The following CELSR1 variants were observed in gnomAD, a reference collection of about 807,000 sequenced individuals.
CELSR1 encodes adhesion G protein-coupled receptor C1.
Under a neutral mutation model 249.1 loss-of-function variants are expected in CELSR1, and 110 were observed. The ratio of observed to expected loss-of-function variants is 0.44; its 90% CI spans 0.38 to 0.52. The LOEUF (loss-of-function observed/expected upper bound fraction) is 0.52, where lower values mean the gene tolerates loss of function less well. Among genes scored for constraint, CELSR1 ranks in the 20% least tolerant of loss-of-function variants. CELSR1 has a pLI of 0.00. For missense variants in CELSR1, 4,109 were observed against 4,296.4 expected (o/e 0.96, Z 1.22); for synonymous variants, 2,113 against 1,900.0 (o/e 1.11, Z -2.92).
rs887443508 is a variant in CELSR1, at chr22:46,435,279, A to ATT, written c.4522+893_4522+894dup. On this transcript the variant is annotated intron_variant, in intron 4 of 34. Transcript: ENST00000674500. ...CCTTGTCCAAAAAAAAAAAAAAAAA[A>ATT]TTTTTTTTTTTTTTTTTTTTGAGAT... Among the ~76,000 whole-genome samples, 1,012 of 108,364 alleles carry ATT rather than the reference A, an allele frequency of 9.3e-3. 21 individuals carry two copies. Among genetic ancestry groups the ATT allele is most frequent in the African/African-American group, 0.035 (799 of 22,618 alleles). The allele number at this position is 108,364 out of a possible 152,430, so 71.1% of individuals were successfully genotyped here.
At chr22:46,371,132 C>A (rs1602031298) in intron 25 of CELSR1, among the ~76,000 whole-genome samples, 1 of 152,330 alleles carries the variant, frequency 6.6e-6, no homozygotes, top group Non-Finnish European at 1.5e-5. Flanking sequence ...CCCCGCCCAA[C>A]CTGCCCCCAC....
rs943995780 is a variant in CELSR1, at chr22:46,534,583, A to G, written c.2588T>C (p.Met863Thr). 3 of 1,613,714 alleles carry G rather than the reference A, an allele frequency of 1.9e-6. No homozygotes were observed. The highest frequency in any genetic ancestry group is 1.3e-5 in the African/African-American group (1 of 74,928). ...ENQVAYTLTIMAQDNGIPQKS... is the reference protein window; with the variant it reads ...ENQVAYTLTITAQDNGIPQKS... ...CTGCGGGATGCCGTTGTCCTGGGCC[A>G]TGATGGTCAGCGTGTAGGCGACCTG... The change falls in exon 1 of 35, where the codon ATG becomes ACG. Residue 863 changes from methionine (M) to threonine (T), a missense_variant. Met to Thr is a moderately conservative substitution (Grantham distance 81). Transcript: ENST00000674500. The surrounding 1 kb of genome is among the most constrained non-coding windows in gnomAD (Gnocchi z 9.7).
At chr22:46,475,410 C>G (rs905375689) in intron 1 of CELSR1, among the ~76,000 whole-genome samples, 3 of 151,982 alleles carry the variant, frequency 2.0e-5, no homozygotes, top group African/African-American at 7.3e-5. Flanking sequence ...CGAGAGGTCC[C>G]GAGAACAGTC....
rs894006355 is a variant in CELSR1 at position 46,488,934 on chromosome 22, C to T, written c.3545-24589G>A. 1.3e-5 allele frequency among the ~76,000 whole-genome samples: 2 copies of T among 152,120 alleles called. No individual in the cohort carries two copies. Among genetic ancestry groups the T allele is most frequent in the African/African-American group, 2.4e-5 (1 of 41,426 alleles). On this transcript the variant is annotated intron_variant, in intron 1 of 34. Transcript: ENST00000674500. The surrounding 1 kb of genome is among the most constrained non-coding windows in gnomAD (Gnocchi z 4.7). ...TCGGCTTCCCAAAGTGTTGGGATTA[C>T]AGGCGGAAGCCACCACGCCCAGCCC...
intron 1 of CELSR1, among the ~76,000 whole-genome samples, chr22:46,528,844 G>A (rs1054813985): frequency 6.6e-6 from 1 of 151,808 alleles, no homozygotes; most frequent in Non-Finnish European, 1.5e-5. Flanking sequence ...CAGGAGAACG[G>A]CGTGAACCCG....
In CELSR1 at chr22:46,468,110, A is replaced by C. The variant is rs925766645; in HGVS notation, c.3545-3765T>G. On this transcript the variant is annotated intron_variant, in intron 1 of 34. Coordinates refer to ENST00000674500, the MANE Select transcript of CELSR1 (RefSeq NM_001378328.1). The surrounding 1 kb of genome is among the most constrained non-coding windows in gnomAD (Gnocchi z 4.5). The stretch of plus-strand genomic sequence containing the variant: ...CGGATTAAAACAATGTGGTCTGGCC[A>C]GGTGTGGTGGCTTACACCTGTAATC... Among the ~76,000 whole-genome samples the C allele has an allele frequency of 3.3e-5, 5 of 151,852 alleles. No homozygotes were observed. The highest frequency in any genetic ancestry group is 1.2e-4 in the African/African-American group (5 of 41,318).
In CELSR1 at chr22:46,512,166, G is replaced by T. The variant is rs2080580368; in HGVS notation, c.3544+21461C>A. ...GCAAGAGTGACGGCGGCGCTCATAA[G>T]CCCTTACTAAGCGTGCTGCCCTCGA... On this transcript the variant is annotated intron_variant, in intron 1 of 34. Coordinates refer to ENST00000674500, the MANE Select transcript of CELSR1 (RefSeq NM_001378328.1). This position sits in a 1 kb window ranked among gnomAD's most constrained non-coding sequence, Gnocchi z 5.2. 6.6e-6 allele frequency among the ~76,000 whole-genome samples: 1 copy of T among 152,218 alleles called. No homozygotes were observed.
chr22:46,373,487 T>TGG (rs781155577), intron 24 of CELSR1, among the ~76,000 whole-genome samples: 1 of 65,660 alleles, frequency 1.5e-5, no homozygotes, highest in Non-Finnish European at 3.4e-5. Flanking sequence ...TGCTCTGGGG[T>TGG]GGGGGGGGCA....
rs781166461 is a variant in CELSR1 at position 46,364,314 on chromosome 22, C to T, written c.8780-63G>A. The T allele has an allele frequency of 2.2e-5, 35 of 1,577,606 alleles. No individual in the cohort carries two copies. In the African/African-American group the frequency reaches 2.5e-4, roughly 11 times the overall value. ...ATGCTGCCGGGGGCAGCTGCTGGGC[C>T]GTGTGCAGCTGAGCCAGCCTCAGCC... On this transcript the variant is annotated intron_variant, in intron 33 of 34. Transcript: ENST00000674500.
chr22:46,451,876 G>A (rs6008834), intron 2 of CELSR1, among the ~76,000 whole-genome samples: 49,192 of 152,088 alleles, frequency 0.32, 8,879 homozygotes, highest in African/African-American at 0.47. Flanking sequence ...AGGTGGGCTC[G>A]ATGCAATCAC....
At chr22:46,369,499 C>T (rs1448728803) in intron 26 of CELSR1, among the ~76,000 whole-genome samples, 193 bp downstream of exon 26, 2 of 152,350 alleles carry the variant, frequency 1.3e-5, no homozygotes, top group South Asian at 2.1e-4. Context: ...GCGGACACGA[C>T]GCGAGACCTG....
intron 1 of CELSR1, among the ~76,000 whole-genome samples, chr22:46,513,386 C>G (rs1437704559): frequency 6.6e-6 from 1 of 152,112 alleles, no homozygotes; most frequent in African/African-American, 2.4e-5. Flanking sequence ...TTACAGGACA[C>G]TTAAACCAGC....
At chr22:46,432,882 A>C (rs1410209681) in intron 5 of CELSR1, among the ~76,000 whole-genome samples, 2 of 152,094 alleles carry the variant, frequency 1.3e-5, no homozygotes, top group African/African-American at 4.8e-5. Flanking sequence ...TCTGGGTGGG[A>C]CTATGACCCC....
In CELSR1 at chr22:46,446,044, G is replaced by A. The variant is rs567374089; in HGVS notation, c.4184-6633C>T. ...CTCCACAACGCTGGCCTCACCATGT[G>A]TCAGTCCCACTGGCTAGACTCCCAC... On this transcript the variant is annotated intron_variant, in intron 2 of 34. Transcript: ENST00000674500. This position sits in a 1 kb window ranked among gnomAD's most constrained non-coding sequence, Gnocchi z 5.5. 4.3e-4 allele frequency among the ~76,000 whole-genome samples: 66 copies of A among 152,224 alleles called. 2 individuals carry two copies. Among genetic ancestry groups the A allele is most frequent in the African/African-American group, 1.4e-3 (58 of 41,532 alleles).
intron 28 of CELSR1, among the ~76,000 whole-genome samples, chr22:46,367,461 T>C (rs2078798488): frequency 6.6e-6 from 1 of 152,190 alleles, no homozygotes; most frequent in Non-Finnish European, 1.5e-5. Flanking sequence ...TTGGTATGAC[T>C]AGAAATGGCC....
chr22:46,396,486 C>T lies in CELSR1; in HGVS notation c.5843+119G>A, dbSNP rs985749496. On this transcript the variant is annotated intron_variant, in intron 13 of 34. Coordinates refer to ENST00000674500, the MANE Select transcript of CELSR1 (RefSeq NM_001378328.1). This position sits in a 1 kb window ranked among gnomAD's most constrained non-coding sequence, Gnocchi z 6.4. Reference sequence around the variant, plus strand: ...ATGCCAAATTAAAAAAAAATATGTCCCTGTTACCCAGAATCACACATATCT... The same window carrying T: ...ATGCCAAATTAAAAAAAAATATGTCTCTGTTACCCAGAATCACACATATCT... 5.7e-6 allele frequency: 6 copies of T among 1,057,234 alleles called. No individual in the cohort carries two copies. The highest frequency in any genetic ancestry group is 1.6e-5 in the African/African-American group (1 of 60,846). The allele number at this position is 1,057,234 out of a possible 1,614,324, so 65.5% of individuals were successfully genotyped here. A position where few individuals can be genotyped will look rare whatever the true frequency, so the allele number is the denominator to read the frequency against.
chr22:46,418,233 C>A (rs1569149105), intron 5 of CELSR1, among the ~76,000 whole-genome samples: 1 of 152,224 alleles, frequency 6.6e-6, no homozygotes. Context: ...GTAATCCCAG[C>A]ACTTTGGGAG....
At chr22:46,463,473 G>A (rs866029940) in intron 2 of CELSR1, among the ~76,000 whole-genome samples, 3 of 150,764 alleles carry the variant, frequency 2.0e-5, no homozygotes, top group Non-Finnish European at 4.4e-5. Flanking sequence ...CGAAGATTAC[G>A]CCACTGCACT....
At chr22:46,533,137 G>C (rs975667673) in intron 1 of CELSR1, among the ~76,000 whole-genome samples, 4 of 152,174 alleles carry the variant, frequency 2.6e-5, no homozygotes, top group African/African-American at 7.2e-5. Flanking sequence ...CAGACCAAGG[G>C]AACACCGGCT....
Sources: allele counts gnomAD v4.1 joint callset (sites outside exome capture counted in the v4.1 genomes callset), GRCh38; gene constraint gnomAD v4.1.1; non-coding constraint Gnocchi (gnomAD v3.1); transcripts MANE v1.5; gene names NCBI Gene and HGNC (gene_info 2026-07-23, HGNC 2026-07-21).